Variants in GPM6A observed in about 807,000 individuals in gnomAD.
GPM6A encodes glycoprotein M6A, also known as neuronal membrane glycoprotein M6-a.
A neutral mutation model predicts 32.1 loss-of-function variants in GPM6A; 7 were observed. The observed-to-expected ratio is 0.22, with a 90% confidence interval of 0.12 to 0.41. The LOEUF (loss-of-function observed/expected upper bound fraction) is 0.41, where lower values mean the gene tolerates loss of function less well. Ranked by LOEUF, GPM6A falls within the 10% of genes least tolerant of loss-of-function variation. The pLI is 1.00. For missense variants in GPM6A, 235 were observed against 347.2 expected (o/e 0.68, Z 2.57); for synonymous variants, 130 against 123.4 (o/e 1.05, Z -0.35).
intron 1 of GPM6A, among the ~76,000 whole-genome samples, chr4:175,926,450 G>A (rs13353769): frequency 0.035 from 5,250 of 152,106 alleles, 324 homozygotes; most frequent in African/African-American, 0.12. Context: ...TAGGGCTTAT[G>A]TTTTTCACTG....
intron 1 of GPM6A, among the ~76,000 whole-genome samples, chr4:175,982,969 A>G (rs1156286352): frequency 6.6e-6 from 1 of 152,148 alleles, no homozygotes; most frequent in Non-Finnish European, 1.5e-5. Context: ...CCTATTTTAT[A>G]TATTTTGGTG....
intron 6 of GPM6A, among the ~76,000 whole-genome samples, chr4:175,638,953 C>T (rs1740972458): frequency 6.6e-6 from 1 of 152,092 alleles, no homozygotes; most frequent in South Asian, 2.1e-4. Flanking sequence ...AATATAAGGC[C>T]TTTGCTTTTG....
At chr4:175,924,384 C>A (rs893193823) in intron 1 of GPM6A, among the ~76,000 whole-genome samples, 1 of 152,132 alleles carries the variant, frequency 6.6e-6, no homozygotes, top group African/African-American at 2.4e-5. Flanking sequence ...CACATTGTAA[C>A]CCCCAAAGGT....
chr4:175,774,935 A>C (rs145267480), intron 1 of GPM6A, among the ~76,000 whole-genome samples: 3,069 of 152,212 alleles, frequency 0.02, 56 homozygotes, highest in Non-Finnish European at 0.031. Flanking sequence ...CCATAAAATA[A>C]TTTTTGTTTC....
intron 3 of GPM6A, among the ~76,000 whole-genome samples, chr4:175,672,766 AAT>A (rs770972396): frequency 6.6e-6 from 1 of 152,224 alleles, no homozygotes; most frequent in Non-Finnish European, 1.5e-5. Flanking sequence ...TCTTATAAGA[AAT>A]AATTCCAGAG....
At position 175,756,826 on chromosome 4, in the gene GPM6A, A is replaced by G. The variant is rs897304911; in HGVS notation, c.38-55059T>C. Among the ~76,000 whole-genome samples the G allele has an allele frequency of 6.6e-5, 10 of 152,264 alleles. No individual in the cohort carries two copies. In the East Asian group the frequency reaches 1.9e-3, roughly 29 times the overall value. The stretch of plus-strand genomic sequence containing the variant: ...AGCAATAGAAGGACAAGTAAAATCA[A>G]TTGCCCCTTTGATAAAATACTGACA... On this transcript the variant is annotated intron_variant, in intron 1 of 6. Transcript: ENST00000393658.
At chr4:175,849,288 C>T (rs922231524) in intron 1 of GPM6A, among the ~76,000 whole-genome samples, 2 of 152,110 alleles carry the variant, frequency 1.3e-5, no homozygotes, top group African/African-American at 4.8e-5. Flanking sequence ...TAATTCTGGC[C>T]AATGGATTAA....
intron 1 of GPM6A, among the ~76,000 whole-genome samples, chr4:175,997,558 G>C (rs151082904): frequency 2.0e-5 from 3 of 151,654 alleles, no homozygotes; most frequent in African/African-American, 7.3e-5. Flanking sequence ...TGAGGAAACA[G>C]GATCCCAGAG....
At chr4:175,802,649 C>T (rs1734517021) in intron 1 of GPM6A, among the ~76,000 whole-genome samples, 1 of 152,020 alleles carries the variant, frequency 6.6e-6, no homozygotes, top group African/African-American at 2.4e-5. Context: ...ACTGTTATTT[C>T]TTATGTAATT....
chr4:175,887,462 G>C lies in GPM6A; in HGVS notation c.-22-75213C>G, dbSNP rs140428200. The stretch of plus-strand genomic sequence containing the variant: ...GAGCCTTATATACATATTTTAGAAA[G>C]AAAAACATTCAAACAAATTCACTTA... On this transcript the variant is annotated intron_variant, in intron 1 of 7. Transcript: ENST00000280187. Among the ~76,000 whole-genome samples, 1,328 of 151,724 alleles carry C rather than the reference G, an allele frequency of 8.8e-3. 10 individuals are homozygous for C. Among genetic ancestry groups the C allele is most frequent in the Non-Finnish European group, 0.015 (999 of 67,716 alleles).
rs975349601 is a variant in GPM6A, at chr4:175,633,022, C to T, written c.*1883G>A. The T allele has an allele frequency of 6.6e-6, 1 of 152,450 alleles. No homozygotes were observed. The highest frequency in any genetic ancestry group is 1.5e-5 in the Non-Finnish European group (1 of 67,926). The allele number at this position is 152,450 out of a possible 1,614,324, so 9.4% of individuals were successfully genotyped here. ...ACATTTCAAAAACGCCACCATCAAG[C>T]TGTTGGCACATTTATGTACAAAACA... On this transcript the variant is annotated 3_prime_UTR_variant, in exon 7 of 7. Coordinates refer to ENST00000393658, the MANE Select transcript of GPM6A (RefSeq NM_201591.3).
At chr4:175,961,641 C>G (rs2126403015) in intron 1 of GPM6A, among the ~76,000 whole-genome samples, 1 of 152,264 alleles carries the variant, frequency 6.6e-6, no homozygotes, top group South Asian at 2.1e-4. Flanking sequence ...CTTCAGGAGC[C>G]CTACCAGGTT....
chr4:175,941,396 T>A (rs1019783387), intron 1 of GPM6A, among the ~76,000 whole-genome samples: 3 of 152,136 alleles, frequency 2.0e-5, no homozygotes, highest in African/African-American at 7.2e-5. Context: ...TTTTCTTTTT[T>A]AAAAAAATTA....
intron 1 of GPM6A, among the ~76,000 whole-genome samples, chr4:175,949,601 C>T (rs1186565491): frequency 6.6e-6 from 1 of 152,116 alleles, no homozygotes; most frequent in Non-Finnish European, 1.5e-5. Flanking sequence ...GGCTGTTAAG[C>T]TGAACCATAG....
intron 1 of GPM6A, among the ~76,000 whole-genome samples, chr4:175,711,676 C>T (rs73004335): frequency 7.4e-4 from 102 of 138,652 alleles, no homozygotes; most frequent in African/African-American, 2.5e-3. Flanking sequence ...CTTGTGCATT[C>T]GGAGGATGGA....
intron 1 of GPM6A, among the ~76,000 whole-genome samples, chr4:175,744,617 A>G (rs904262551): frequency 6.6e-6 from 1 of 152,036 alleles, no homozygotes; most frequent in African/African-American, 2.4e-5. Context: ...AACTTTCTGG[A>G]GTTTGGGAAG....
At chr4:175,886,271 T>C (rs1173256415) in intron 1 of GPM6A, among the ~76,000 whole-genome samples, 7 of 152,026 alleles carry the variant, frequency 4.6e-5, no homozygotes, top group Non-Finnish European at 8.8e-5. Flanking sequence ...AAGAAAAAAT[T>C]CACAGTATCC....
chr4:175,855,323 T>G (rs1410722716), intron 1 of GPM6A, among the ~76,000 whole-genome samples: 1 of 152,166 alleles, frequency 6.6e-6, no homozygotes, highest in East Asian at 1.9e-4. Context: ...AAAAGTTCAG[T>G]TTGCATTTGC....
chr4:175,888,502 C>T (rs1181200945), intron 1 of GPM6A, among the ~76,000 whole-genome samples: 1 of 151,956 alleles, frequency 6.6e-6, no homozygotes, highest in East Asian at 1.9e-4. Flanking sequence ...TCTATTATAG[C>T]AAATCCGAAA....
Sources: gnomAD v4.1 joint callset for allele counts (sites outside exome capture counted in the v4.1 genomes callset) on GRCh38, gnomAD v4.1.1 for gene constraint, MANE v1.5 for transcripts, NCBI Gene and HGNC (gene_info 2026-07-23, HGNC 2026-07-21) for gene names.